The following NXPE2 variants were observed in gnomAD, a reference collection of about 807,000 sequenced individuals.
NXPE2 encodes the protein neurexophilin and PC-esterase domain family member 2.
NXPE2 carries 34 observed loss-of-function variants against 34.4 expected under a neutral mutation model. The observed-to-expected ratio is 0.99, with a 90% confidence interval of 0.75 to 1.31. The LOEUF (loss-of-function observed/expected upper bound fraction) is 1.31, where lower values mean the gene tolerates loss of function less well. Ranked by LOEUF, NXPE2 falls within the 40% of genes most tolerant of loss-of-function variation. The pLI, the probability that NXPE2 is intolerant of heterozygous loss-of-function variation, is 0.00. For synonymous variants in NXPE2, 235 were observed against 231.3 expected, an observed-to-expected ratio of 1.02 and a Z score of -0.15; for missense variants, 649 against 672.5, an observed-to-expected ratio of 0.97 and a Z score of 0.39.
chr11:114,536,244 G>C, the NXPE2 span, among the ~76,000 whole-genome samples: 6 of 152,150 alleles, frequency 3.9e-5, no homozygotes, highest in Non-Finnish European at 7.3e-5. Context: ...TGAGAACAAA[G>C]ACACAACATA....
chr11:114,471,216 G>T, the NXPE2 span, among the ~76,000 whole-genome samples: 1 of 152,126 alleles, frequency 6.6e-6, no homozygotes. Flanking sequence ...CCAGCCAAAG[G>T]CATAAAAATT....
chr11:114,632,197 T>C, the NXPE2 span, among the ~76,000 whole-genome samples: 1 of 141,776 alleles, frequency 7.1e-6, no homozygotes, highest in East Asian at 2.0e-4. Context: ...AATGATCATA[T>C]ATACATATTA....
the NXPE2 span, among the ~76,000 whole-genome samples, chr11:114,632,239 T>C: frequency 1.4e-5 from 2 of 140,192 alleles, no homozygotes; most frequent in Admixed American, 7.7e-5. Context: ...ATAATATATA[T>C]GTATATGTGT....
chr11:114,535,750 C>G, the NXPE2 span, among the ~76,000 whole-genome samples: 5 of 152,152 alleles, frequency 3.3e-5, no homozygotes, highest in African/African-American at 9.7e-5. Flanking sequence ...AATATATATG[C>G]ACCCAATACA....
the NXPE2 span, among the ~76,000 whole-genome samples, chr11:114,768,717 T>C: frequency 2.6e-5 from 4 of 152,174 alleles, no homozygotes; most frequent in African/African-American, 7.2e-5. Context: ...CTGTCTATTA[T>C]TGGTGTATAG....
chr11:114,540,754 A>G, the NXPE2 span, among the ~76,000 whole-genome samples: 1 of 149,306 alleles, frequency 6.7e-6, no homozygotes. Flanking sequence ...GGTGCCATTA[A>G]GAGGAGGTAA....
chr11:114,780,655 G>T, the NXPE2 span, among the ~76,000 whole-genome samples: 6 of 152,154 alleles, frequency 3.9e-5, no homozygotes, highest in East Asian at 1.2e-3. Flanking sequence ...GTAAATGTAA[G>T]AGAAGAAAAA....
the NXPE2 span, among the ~76,000 whole-genome samples, chr11:114,557,963 A>G: frequency 2.0e-5 from 3 of 151,684 alleles, no homozygotes; most frequent in African/African-American, 7.3e-5. Flanking sequence ...ATGTTACCTC[A>G]TTTTCCTTCT....
At chr11:114,643,092 C>T in the NXPE2 span, among the ~76,000 whole-genome samples, 1 of 152,100 alleles carries the variant, frequency 6.6e-6, no homozygotes, top group African/African-American at 2.4e-5. Flanking sequence ...CCTTTGCCCA[C>T]ATTTTGATGG....
chr11:114,725,967 T>TAAAAAA, the NXPE2 span, among the ~76,000 whole-genome samples: 3 of 77,038 alleles, frequency 3.9e-5, no homozygotes, highest in African/African-American at 8.0e-5. Context: ...TAAAGTATAA[T>TAAAAAA]AAAAAAAAAA....
chr11:114,784,420 G>T, the NXPE2 span, among the ~76,000 whole-genome samples: 3 of 152,122 alleles, frequency 2.0e-5, no homozygotes, highest in Non-Finnish European at 4.4e-5. Context: ...TCCTGCTGTT[G>T]TCTCAATTGC....
upstream of NXPE2, among the ~76,000 whole-genome samples, chr11:114,674,759 T>C (rs1439078820): frequency 6.6e-6 from 1 of 151,756 alleles, no homozygotes; most frequent in Non-Finnish European, 1.5e-5. Context: ...CCCAAACTCT[T>C]CCAAACAATT....
At chr11:114,761,722 C>T in the NXPE2 span, among the ~76,000 whole-genome samples, 1 of 151,440 alleles carries the variant, frequency 6.6e-6, no homozygotes. Context: ...TACAGGCGCC[C>T]GCCACCGCGC....
At chr11:114,641,673 G>C in the NXPE2 span, among the ~76,000 whole-genome samples, 21 of 152,054 alleles carry the variant, frequency 1.4e-4, no homozygotes, top group South Asian at 4.3e-3. Context: ...ACTAATAGGA[G>C]GTAAAACAAA....
the NXPE2 span, among the ~76,000 whole-genome samples, chr11:114,807,669 C>T: frequency 6.6e-6 from 1 of 151,552 alleles, no homozygotes; most frequent in African/African-American, 2.4e-5. Context: ...GCAACCAATA[C>T]AGGAGCACCC....
the NXPE2 span, among the ~76,000 whole-genome samples, chr11:114,734,257 T>C: frequency 3.9e-5 from 6 of 152,216 alleles, no homozygotes; most frequent in Non-Finnish European, 8.8e-5. Context: ...AATCCATTCC[T>C]TTTATTTAGA....
chr11:114,583,085 A>G, the NXPE2 span: 1 of 1,502,914 alleles, frequency 6.7e-7, no homozygotes, highest in African/African-American at 1.4e-5. Context: ...CTGAAATGAC[A>G]GGAAGTGTAA....
the NXPE2 span, among the ~76,000 whole-genome samples, chr11:114,743,392 T>C: frequency 6.6e-6 from 1 of 152,074 alleles, no homozygotes; most frequent in African/African-American, 2.4e-5. Flanking sequence ...ATAGTACTTA[T>C]TAATATTGCT....
At chr11:114,631,256 A>T in the NXPE2 span, among the ~76,000 whole-genome samples, 7 of 151,834 alleles carry the variant, frequency 4.6e-5, no homozygotes, top group Non-Finnish European at 5.9e-5. Context: ...CACAATAGCA[A>T]AGACTTGGAA....
Sources: allele counts gnomAD v4.1 joint callset (sites outside exome capture counted in the v4.1 genomes callset), GRCh38; gene constraint gnomAD v4.1.1; transcripts MANE v1.5; gene names NCBI Gene and HGNC (gene_info 2026-07-23, HGNC 2026-07-21).